Variants in SNX29 observed in about 807,000 individuals in gnomAD.
SNX29 encodes the protein sorting nexin-29.
In SNX29, 78 loss-of-function variants were observed where a neutral mutation model predicts 102.1. The observed-to-expected ratio is 0.76, with a 90% confidence interval of 0.64 to 0.92. The LOEUF is 0.92. SNX29 is among the 40% of genes least tolerant of loss of function. The pLI, the probability that SNX29 is intolerant of heterozygous loss-of-function variation, is 0.00. For synonymous variants in SNX29, 580 were observed against 414.5 expected, an observed-to-expected ratio of 1.40 and a Z score of -4.85; for missense variants, 1,280 against 1,061.7, an observed-to-expected ratio of 1.21 and a Z score of -2.86.
At chr16:12,339,650 T>C (rs917940964) in intron 15 of SNX29, among the ~76,000 whole-genome samples, 1 of 152,226 alleles carries the variant, frequency 6.6e-6, no homozygotes, top group Non-Finnish European at 1.5e-5. Flanking sequence ...TTCTTTTTTG[T>C]GGTCTTCATT....
At chr16:12,165,858 C>T (rs1172997508) in intron 13 of SNX29, among the ~76,000 whole-genome samples, 1 of 152,240 alleles carries the variant, frequency 6.6e-6, no homozygotes, top group African/African-American at 2.4e-5. Context: ...GCCACCACAC[C>T]CGGCCAGACT....
chr16:12,089,358 C>G (rs1312738493), intron 11 of SNX29, among the ~76,000 whole-genome samples: 1 of 151,774 alleles, frequency 6.6e-6, no homozygotes, highest in Non-Finnish European at 1.5e-5. Flanking sequence ...TTAAAAAAAC[C>G]CAATAGAAAA....
At chr16:12,028,360 T>G (rs2057249764) in intron 4 of SNX29, among the ~76,000 whole-genome samples, 1 of 152,174 alleles carries the variant, frequency 6.6e-6, no homozygotes, top group Admixed American at 6.5e-5. Context: ...ATCTTTTTAT[T>G]TATTTACTTA....
chr16:12,094,172 A>T (rs1238011038), intron 11 of SNX29, among the ~76,000 whole-genome samples: 1 of 152,212 alleles, frequency 6.6e-6, no homozygotes, highest in Non-Finnish European at 1.5e-5. Flanking sequence ...TGTGAGGATT[A>T]AATGAACTAA....
chr16:12,158,204 T>C (rs906073938), intron 13 of SNX29, among the ~76,000 whole-genome samples: 4 of 152,022 alleles, frequency 2.6e-5, no homozygotes, highest in Non-Finnish European at 5.9e-5. Flanking sequence ...TTAATTTTTT[T>C]ATTTTTATTT....
intron 19 of SNX29, among the ~76,000 whole-genome samples, chr16:12,521,837 C>T (rs571630688): frequency 6.6e-6 from 1 of 152,328 alleles, no homozygotes; most frequent in Admixed American, 6.5e-5. Context: ...GGTTGGAGGA[C>T]CCTGGGACAA....
chr16:12,349,895 A>C (rs969347144), intron 15 of SNX29, among the ~76,000 whole-genome samples: 3 of 152,238 alleles, frequency 2.0e-5, no homozygotes, highest in African/African-American at 7.2e-5. Context: ...CTTTTTTAAA[A>C]AACTTTCAAT....
At chr16:12,142,762 C>T (rs1335473076) in intron 13 of SNX29, among the ~76,000 whole-genome samples, 1 of 151,856 alleles carries the variant, frequency 6.6e-6, no homozygotes, top group Non-Finnish European at 1.5e-5. Context: ...GACGGGGTTT[C>T]ATGTTGACCA....
At chr16:11,984,198 C>T (rs1376831008) in intron 1 of SNX29, among the ~76,000 whole-genome samples, 2 of 151,536 alleles carry the variant, frequency 1.3e-5, no homozygotes, top group Non-Finnish European at 2.9e-5. Context: ...GGTCTTTGTA[C>T]ACACACACAC....
intron 14 of SNX29, among the ~76,000 whole-genome samples, chr16:12,220,479 G>T (rs1180925401): frequency 1.3e-5 from 2 of 152,122 alleles, no homozygotes; most frequent in African/African-American, 4.8e-5. Context: ...TGCGTGACCT[G>T]CTATGAGGCT....
At chr16:12,487,302 A>G (rs1220840721) in intron 19 of SNX29, among the ~76,000 whole-genome samples, 2 of 152,194 alleles carry the variant, frequency 1.3e-5, no homozygotes, top group East Asian at 1.9e-4. Flanking sequence ...TGAGCCCGAC[A>G]TGGATGGTCC....
At chr16:12,524,907 A>G in intron 20 of SNX29, 66 bp downstream of exon 20, 1 of 1,587,430 alleles carries the variant, frequency 6.3e-7, no homozygotes, top group Non-Finnish European at 8.6e-7. Context: ...GTCGTTTTGG[A>G]AGGTCAGGGA....
At chr16:12,112,294 G>T (rs181357622) in intron 11 of SNX29, among the ~76,000 whole-genome samples, 1 of 152,178 alleles carries the variant, frequency 6.6e-6, no homozygotes, top group Non-Finnish European at 1.5e-5. Flanking sequence ...GTGTGCTCCT[G>T]CCCCTACCTC....
chr16:12,333,321 C>T (rs751623391), intron 15 of SNX29, among the ~76,000 whole-genome samples: 10 of 151,706 alleles, frequency 6.6e-5, no homozygotes, highest in Non-Finnish European at 1.2e-4. Flanking sequence ...TGGTCAGGCT[C>T]GTCTTGAACT....
At chr16:12,252,645 G>C (rs1408204561) in intron 14 of SNX29, among the ~76,000 whole-genome samples, 1 of 152,226 alleles carries the variant, frequency 6.6e-6, no homozygotes, top group Non-Finnish European at 1.5e-5. Context: ...GTCTGCACCA[G>C]GTGACCTCCT....
intron 8 of SNX29, chr16:12,060,681 T>C: frequency 2.3e-6 from 1 of 432,844 alleles, no homozygotes; most frequent in Non-Finnish European, 4.6e-6. Context: ...GTAATGCAGA[T>C]ACTGGGGGAC....
At chr16:12,195,985 CTTTTT>C (rs762409358) in intron 13 of SNX29, among the ~76,000 whole-genome samples, 1 of 117,978 alleles carries the variant, frequency 8.5e-6, no homozygotes, top group Admixed American at 8.9e-5. Flanking sequence ...GTTTCTTTTC[CTTTTT>C]TTTTTTTTTT....
At chr16:12,314,269 C>T (rs1167851488) in intron 15 of SNX29, among the ~76,000 whole-genome samples, 2 of 152,232 alleles carry the variant, frequency 1.3e-5, no homozygotes, top group Non-Finnish European at 1.5e-5. Context: ...AAAGTACTGG[C>T]ATTACAGGCA....
intron 15 of SNX29, among the ~76,000 whole-genome samples, chr16:12,302,229 G>C (rs1327462251): frequency 6.6e-6 from 1 of 152,176 alleles, no homozygotes; most frequent in Non-Finnish European, 1.5e-5. Flanking sequence ...ATGAATATAA[G>C]CAAATGGCTG....
Sources: gnomAD v4.1 joint callset for allele counts (sites outside exome capture counted in the v4.1 genomes callset) on GRCh38, gnomAD v4.1.1 for gene constraint, MANE v1.5 for transcripts, NCBI Gene and HGNC (gene_info 2026-07-23, HGNC 2026-07-21) for gene names.